AOPEP: variants seen among roughly 807,000 people sequenced by gnomAD.
AOPEP encodes the protein aminopeptidase O (putative).
A neutral mutation model predicts 98.1 loss-of-function variants in AOPEP; 77 were observed. That is an observed-to-expected ratio of 0.78 (90% CI 0.65 to 0.95). AOPEP has a LOEUF of 0.95. AOPEP is among the 40% of genes least tolerant of loss of function. AOPEP has a pLI of 0.00. For synonymous variants in AOPEP, 346 were observed against 365.3 expected, an observed-to-expected ratio of 0.95 and a Z score of 0.60; for missense variants, 1,024 against 1,024.7, an observed-to-expected ratio of 1.00 and a Z score of 0.01.
At chr9:95,040,920 C>CACTT (rs3052092) in intron 13 of AOPEP, among the ~76,000 whole-genome samples, 144,202 of 152,066 alleles carry the variant, frequency 0.95, 68,444 homozygotes, top group Middle Eastern at 0.99. Flanking sequence ...TAAACAGTCT[C>CACTT]CCTTCCTCAA....
chr9:94,809,893 G>A (rs1850102687), intron 5 of AOPEP: 1 of 155,534 alleles, frequency 6.4e-6, no homozygotes, highest in African/African-American at 2.4e-5. Flanking sequence ...GCCCTACCCT[G>A]GAGACTGACT....
intron 1 of AOPEP, among the ~76,000 whole-genome samples, chr9:94,744,017 T>TA (rs1564053614): frequency 2.0e-5 from 3 of 151,954 alleles, no homozygotes; most frequent in South Asian, 2.1e-4. Flanking sequence ...CCACACTCGG[T>TA]AAAAATGAAG....
In AOPEP at chr9:94,880,074, A is replaced by G. The variant is rs567604215; in HGVS notation, c.1365-43912A>G. On this transcript the variant is annotated intron_variant, in intron 5 of 16. Transcript: ENST00000375315. Reference sequence around the variant, plus strand: ...GATCACCGTATGGGAGTTGATTTGGATCAGTCTTATGGAGTTCATTCAGAT... The same window carrying G: ...GATCACCGTATGGGAGTTGATTTGGGTCAGTCTTATGGAGTTCATTCAGAT... 3.9e-5 allele frequency among the ~76,000 whole-genome samples: 6 copies of G among 152,286 alleles called. No homozygotes were observed. In the South Asian group the frequency reaches 1.0e-3, roughly 26 times the overall value.
At chr9:94,783,746 A>G (rs1442358050) in intron 3 of AOPEP, among the ~76,000 whole-genome samples, 2 of 152,160 alleles carry the variant, frequency 1.3e-5, no homozygotes, top group African/African-American at 2.4e-5. Context: ...GTCTGTATAC[A>G]CTTATAAGTG....
chr9:95,106,498 C>A, the AOPEP span, among the ~76,000 whole-genome samples: 1 of 152,156 alleles, frequency 6.6e-6, no homozygotes, highest in Admixed American at 6.5e-5. Flanking sequence ...TGTTTTCTTT[C>A]ATTGCTGTGC....
chr9:95,045,340 G>A (rs1397995198), intron 13 of AOPEP, among the ~76,000 whole-genome samples: 2 of 152,354 alleles, frequency 1.3e-5, no homozygotes, highest in Admixed American at 6.5e-5. Context: ...GCTGGGGCGC[G>A]CCCCTGCACC....
At chr9:95,016,352 C>T (rs1162739547) in intron 13 of AOPEP, among the ~76,000 whole-genome samples, 1 of 149,782 alleles carries the variant, frequency 6.7e-6, no homozygotes, top group Non-Finnish European at 1.5e-5. Context: ...AAGCCATTCT[C>T]CCTGCCTCAG....
At chr9:94,735,564 C>T (rs983813072) in intron 1 of AOPEP, among the ~76,000 whole-genome samples, 6 of 152,186 alleles carry the variant, frequency 3.9e-5, no homozygotes, top group Non-Finnish European at 7.3e-5. Flanking sequence ...CAGCCCACCC[C>T]CAACCTGCAA....
intron 7 of AOPEP, among the ~76,000 whole-genome samples, chr9:94,942,808 T>C (rs2057152645): frequency 6.6e-6 from 1 of 150,608 alleles, no homozygotes; most frequent in African/African-American, 2.4e-5. Flanking sequence ...TTAGGAAAAA[T>C]TCATTTACAT....
At chr9:94,798,210 A>G (rs993527717) in intron 4 of AOPEP, among the ~76,000 whole-genome samples, 1 of 152,116 alleles carries the variant, frequency 6.6e-6, no homozygotes, top group Non-Finnish European at 1.5e-5. Flanking sequence ...TTCTGTGTCC[A>G]TTTCTATGGG....
At chr9:94,777,778 C>T (rs561296622) in intron 3 of AOPEP, among the ~76,000 whole-genome samples, 129 of 151,908 alleles carry the variant, frequency 8.5e-4, no homozygotes, top group African/African-American at 2.9e-3. Context: ...CATGCACCAC[C>T]ATGCCCAGCT....
chr9:94,810,034 A>G (rs1850142118), intron 5 of AOPEP: 1 of 155,980 alleles, frequency 6.4e-6, no homozygotes, highest in South Asian at 2.0e-4. Context: ...GACAGCTTGC[A>G]CTGACTCCAG....
At chr9:95,094,038 C>T in the AOPEP span, among the ~76,000 whole-genome samples, 3 of 152,238 alleles carry the variant, frequency 2.0e-5, no homozygotes, top group Admixed American at 1.3e-4. Context: ...TTTTTTCTCT[C>T]GTTCCTCTCT....
At chr9:94,848,811 T>C (rs2043174785) in intron 5 of AOPEP, among the ~76,000 whole-genome samples, 1 of 152,290 alleles carries the variant, frequency 6.6e-6, no homozygotes, top group South Asian at 2.1e-4. Flanking sequence ...TTTTTTGAGA[T>C]GGAGTTTCGC....
intron 2 of AOPEP, among the ~76,000 whole-genome samples, chr9:94,770,512 C>T (rs1394098818): frequency 6.6e-6 from 1 of 152,132 alleles, no homozygotes; most frequent in East Asian, 1.9e-4. Context: ...CTTTCAGACT[C>T]ACTCGCGTGG....
At chr9:95,002,777 A>T (rs1478492390) in intron 11 of AOPEP, among the ~76,000 whole-genome samples, 2 of 152,230 alleles carry the variant, frequency 1.3e-5, no homozygotes, top group African/African-American at 4.8e-5. Context: ...GAAGAGATGG[A>T]AAAGCATTCT....
Position 94,906,049 on chromosome 9 carries a change from T to A in AOPEP, c.1365-17937T>A, listed in dbSNP as rs58138867. Among the ~76,000 whole-genome samples, 644 of 152,268 alleles carry A rather than the reference T, an allele frequency of 4.2e-3. 5 individuals are homozygous for A. The highest frequency in any genetic ancestry group is 0.015 in the African/African-American group (617 of 41,536). ...TAATAAAGAATAAAAAAGTAAAGAA[T>A]TTTGTTTATTGGTTGGGCATGGTAG... On this transcript the variant is annotated intron_variant, in intron 5 of 16. Transcript: ENST00000375315.
At chr9:95,127,022 C>T in the AOPEP span, 1 of 193,774 alleles carries the variant, frequency 5.2e-6, no homozygotes, top group Non-Finnish European at 1.1e-5. Flanking sequence ...GTAATGGGTA[C>T]ATAACAATTT....
chr9:95,011,211 ATTTT>A (rs71366270), intron 13 of AOPEP, among the ~76,000 whole-genome samples: 4 of 112,790 alleles, frequency 3.5e-5, no homozygotes, highest in South Asian at 2.9e-4. Context: ...CTAGCCATTG[ATTTT>A]TTTTTTTTTT....
Sources: gnomAD v4.1 joint callset for allele counts (sites outside exome capture counted in the v4.1 genomes callset) on GRCh38, gnomAD v4.1.1 for gene constraint, MANE v1.5 for transcripts, NCBI Gene and HGNC (gene_info 2026-07-23, HGNC 2026-07-21) for gene names.